C7: variants seen among roughly 807,000 people sequenced by gnomAD.
C7 encodes complement component C7.
Under a neutral mutation model 104.8 loss-of-function variants are expected in C7, and 83 were observed. The observed-to-expected ratio is 0.79, with a 90% CI of 0.66 to 0.95. C7 has a LOEUF of 0.95. C7 is among the 40% of genes least tolerant of loss of function. The probability of loss-of-function intolerance (pLI) is 0.00; values close to 1 mark genes in which losing one functional copy is unlikely to be tolerated. For synonymous variants in C7, 415 were observed against 360.6 expected (o/e 1.15, Z -1.71); for missense variants, 1,070 against 1,011.2 (o/e 1.06, Z -0.79).
chr5:40,951,170 G>A (rs1740161272), intron 9 of C7, among the ~76,000 whole-genome samples: 1 of 152,138 alleles, frequency 6.6e-6, no homozygotes, highest in Admixed American at 6.6e-5. Flanking sequence ...CTTAGTTGCT[G>A]CTTTTGAGAA....
chr5:40,943,404 T>C (rs1272401023), intron 6 of C7, among the ~76,000 whole-genome samples: 1 of 152,068 alleles, frequency 6.6e-6, no homozygotes, highest in East Asian at 1.9e-4. Flanking sequence ...AAGGAGGGTA[T>C]TAATTAAAGA....
intron 6 of C7, among the ~76,000 whole-genome samples, chr5:40,943,538 T>C (rs1739983480): frequency 6.6e-6 from 1 of 151,158 alleles, no homozygotes; most frequent in African/African-American, 2.4e-5. Flanking sequence ...ATTGTGGATA[T>C]AAAGACAGGC....
intron 14 of C7, among the ~76,000 whole-genome samples, chr5:40,971,046 A>G (rs1306801386): frequency 6.6e-6 from 1 of 152,208 alleles, no homozygotes; most frequent in African/African-American, 2.4e-5. Flanking sequence ...CAATAAACAT[A>G]CGTGTGCATG....
chr5:40,981,423 A>G lies in C7; in HGVS notation c.2382A>G (p.Ala794=), dbSNP rs1235646838. 6.2e-7 allele frequency: 1 copy of G among 1,613,170 alleles called. No individual in the cohort carries two copies. The part of the protein sequence containing the change: ...AESSKCVCRE[A]SECEEEGFSI... ...GCAGCAAATGTGTCTGCCGAGAAGCATCGGAGTGCGAGGAAGAAGGGTTTA... is the reference window on the plus strand; with the variant it reads ...GCAGCAAATGTGTCTGCCGAGAAGCGTCGGAGTGCGAGGAAGAAGGGTTTA... The change falls in exon 18 of 18, where the codon GCA becomes GCG. Residue 794 remains alanine, a synonymous_variant. Transcript: ENST00000313164.
chr5:40,967,939 C>CT (rs1398489925), intron 14 of C7, among the ~76,000 whole-genome samples: 1 of 152,070 alleles, frequency 6.6e-6, no homozygotes, highest in Non-Finnish European at 1.5e-5. Flanking sequence ...TGAACCTGTG[C>CT]TTTAAGTCTT....
chr5:40,983,740 T>A lies in C7; in HGVS notation c.*2167T>A, dbSNP rs1268735741. On this transcript the variant is annotated 3_prime_UTR_variant, in exon 18 of 18. Coordinates refer to ENST00000313164, the MANE Select transcript of C7 (RefSeq NM_000587.4). ...TCCAAAATAAGTTCTTGAACACCTA[T>A]GGAGAGGCTTTGAGGAAAGTTAAGG... 2.0e-5 allele frequency among the ~76,000 whole-genome samples: 3 copies of A among 152,164 alleles called. No homozygotes were observed. Among genetic ancestry groups the A allele is most frequent in the Non-Finnish European group, 4.4e-5 (3 of 68,032 alleles).
At chr5:40,952,110 C>G (rs1740183187) in intron 9 of C7, among the ~76,000 whole-genome samples, 1 of 152,198 alleles carries the variant, frequency 6.6e-6, no homozygotes, top group Non-Finnish European at 1.5e-5. Context: ...CAGTTGGAAG[C>G]TGCTTACCAA....
chr5:40,983,797 A>G lies in C7; in HGVS notation c.*2224A>G, dbSNP rs1290868965. Among the ~76,000 whole-genome samples the G allele has an allele frequency of 6.6e-6, 1 of 152,246 alleles. No homozygotes were observed. Among genetic ancestry groups the G allele is most frequent in the Non-Finnish European group, 1.5e-5 (1 of 68,042 alleles). ...TTTTATACCACAAAAATAAATGGAAAAAGAATAAAGACTGTGAGAATTCCA... is the reference window on the plus strand; with the variant it reads ...TTTTATACCACAAAAATAAATGGAAGAAGAATAAAGACTGTGAGAATTCCA... On this transcript the variant is annotated 3_prime_UTR_variant, in exon 18 of 18. Coordinates refer to ENST00000313164, the MANE Select transcript of C7 (RefSeq NM_000587.4).
At chr5:40,967,233 T>C (rs1466890601) in intron 14 of C7, among the ~76,000 whole-genome samples, 2 of 152,018 alleles carry the variant, frequency 1.3e-5, no homozygotes, top group African/African-American at 4.8e-5. Context: ...GCCCAGCTAC[T>C]TTTTGTATTT....
At chr5:40,928,877 G>GT (rs769835025) in intron 2 of C7, among the ~76,000 whole-genome samples, 2 of 152,198 alleles carry the variant, frequency 1.3e-5, no homozygotes, top group East Asian at 3.9e-4. Context: ...AAAAGTATAA[G>GT]TTTTTTGTCT....
rs75566835 is a variant in C7 at position 40,977,029 on chromosome 5, A to G, written c.2165+189A>G. On this transcript the variant is annotated intron_variant, in intron 16 of 17. Coordinates refer to ENST00000313164, the MANE Select transcript of C7 (RefSeq NM_000587.4). ...CACTAGGGCTGACAGCCATGGCATT[A>G]AGCAGTGTTCTAATCTGGCTAGTGG... Among the ~76,000 whole-genome samples the G allele has an allele frequency of 4.0e-3, 616 of 152,324 alleles. 6 individuals carry two copies. The highest frequency in any genetic ancestry group is 0.014 in the African/African-American group (594 of 41,562).
intron 14 of C7, among the ~76,000 whole-genome samples, chr5:40,966,862 A>ATC (rs140655148): frequency 2.0e-5 from 3 of 151,276 alleles, no homozygotes; most frequent in East Asian, 1.9e-4. Flanking sequence ...TTACTTATTA[A>ATC]TCTCTCTCTC....
At chr5:40,947,202 C>T (rs956049326) in intron 7 of C7, among the ~76,000 whole-genome samples, 12 of 149,332 alleles carry the variant, frequency 8.0e-5, no homozygotes, top group African/African-American at 2.5e-4. Flanking sequence ...TGGGTTCAAG[C>T]GATTCTTCTA....
intron 15 of C7, among the ~76,000 whole-genome samples, chr5:40,975,797 T>G (rs1740806219): frequency 6.6e-6 from 1 of 152,246 alleles, no homozygotes; most frequent in African/African-American, 2.4e-5. Context: ...CTCTTGAATT[T>G]TCCAAAGTAA....
In C7 at chr5:40,950,086, G is replaced by A. The variant is rs1579858205; in HGVS notation, c.1093+72G>A. ...TTTTTACTTTTAAGTTCAAGGGTAC[G>A]CGTGAAGTTATGTAGGTAAACTTGT... On this transcript the variant is annotated intron_variant, in intron 9 of 17. Coordinates refer to ENST00000313164, the MANE Select transcript of C7 (RefSeq NM_000587.4). 1.5e-5 allele frequency: 13 copies of A among 853,120 alleles called. No homozygotes were observed. The Admixed American group carries it at 2.0e-4, about 13-fold the overall frequency. 52.8% of individuals were successfully genotyped at this position (853,120 alleles called of 1,614,324 possible).
chr5:40,935,239 T>TA (rs1361867740), intron 4 of C7, among the ~76,000 whole-genome samples: 4 of 152,212 alleles, frequency 2.6e-5, no homozygotes, highest in African/African-American at 9.6e-5. Context: ...ATATTTTCCT[T>TA]ATGCATATTG....
intron 6 of C7, among the ~76,000 whole-genome samples, chr5:40,941,310 C>T (rs1197037423): frequency 3.3e-5 from 5 of 151,900 alleles, no homozygotes; most frequent in East Asian, 3.9e-4. Flanking sequence ...GTGATCCACC[C>T]GCCTCGGCCT....
intron 1 of C7, among the ~76,000 whole-genome samples, chr5:40,917,925 A>G (rs1739353925): frequency 6.6e-6 from 1 of 152,210 alleles, no homozygotes; most frequent in African/African-American, 2.4e-5. Flanking sequence ...CATCAAAAAA[A>G]TATAAACTGT....
chr5:40,950,258 A>G (rs1169800061), intron 9 of C7, among the ~76,000 whole-genome samples: 1 of 151,930 alleles, frequency 6.6e-6, no homozygotes. Context: ...CTATTTCCAT[A>G]TATTCTCATC....
Sources: gnomAD v4.1 joint callset for allele counts (sites outside exome capture counted in the v4.1 genomes callset) on GRCh38, gnomAD v4.1.1 for gene constraint, MANE v1.5 for transcripts, NCBI Gene and HGNC (gene_info 2026-07-23, HGNC 2026-07-21) for gene names.